Variants in PTBP2 observed in about 807,000 individuals in gnomAD.
PTBP2 encodes the protein polypyrimidine tract binding protein 2, also known as polypyrimidine tract-binding protein 2.
Under a neutral mutation model 61.4 loss-of-function variants are expected in PTBP2, and 13 were observed. That is an observed-to-expected ratio of 0.21 (90% confidence interval 0.14 to 0.34). PTBP2 has a LOEUF of 0.34. Ranked by LOEUF, PTBP2 falls within the 10% of genes least tolerant of loss-of-function variation. PTBP2 has a pLI of 1.00. For missense variants in PTBP2, 405 were observed against 642.6 expected (o/e 0.63, Z 4.00); for synonymous variants, 215 against 218.5 (o/e 0.98, Z 0.14).
intron 2 of PTBP2, among the ~76,000 whole-genome samples, chr1:96,750,826 A>G (rs1490284620): frequency 6.6e-6 from 1 of 152,130 alleles, no homozygotes; most frequent in African/African-American, 2.4e-5. Context: ...GCTGGTTTGA[A>G]CAACTGTGCA....
At position 96,807,046 on chromosome 1, in the gene PTBP2, A is replaced by G. The variant is rs943662446; in HGVS notation, c.1171+88A>G. The G allele has an allele frequency of 9.4e-6, 9 of 956,578 alleles. No homozygotes were observed. The Admixed American group carries it at 1.7e-4, about 18-fold the overall frequency. 59.3% of individuals were successfully genotyped at this position (956,578 alleles called of 1,614,324 possible). ...TGTGCGAATAAAAATAAACTCCTTTACATCAGTAAGAAATTATTTTAATGG... is the reference window on the plus strand; with the variant it reads ...TGTGCGAATAAAAATAAACTCCTTTGCATCAGTAAGAAATTATTTTAATGG... On this transcript the variant is annotated intron_variant, in intron 11 of 13. Coordinates refer to ENST00000674951, the MANE Select transcript of PTBP2 (RefSeq NM_021190.4).
rs1165129701 is a variant in PTBP2 at position 96,813,260 on chromosome 1, A to G, written c.1467-16A>G. 1 of 1,582,676 alleles carries G rather than the reference A, an allele frequency of 6.3e-7. No individual in the cohort carries two copies. Among genetic ancestry groups the G allele is most frequent in the Non-Finnish European group, 8.5e-7 (1 of 1,170,964 alleles). On this transcript the variant is annotated splice_polypyrimidine_tract_variant and intron_variant, in intron 13 of 13. Transcript: ENST00000674951. ...ATTTGTATGAAGTGTCTAATTTTATAATTTTGTTTCAGAAGAGATCACAAA... is the reference window on the plus strand; with the variant it reads ...ATTTGTATGAAGTGTCTAATTTTATGATTTTGTTTCAGAAGAGATCACAAA...
At chr1:96,747,461 A>C (rs1255796379) in intron 2 of PTBP2, among the ~76,000 whole-genome samples, 1 of 152,058 alleles carries the variant, frequency 6.6e-6, no homozygotes, top group Non-Finnish European at 1.5e-5. Flanking sequence ...ATTTTAAAAA[A>C]TTTTGCTTTT....
chr1:96,781,194 TGTA>T (rs1398848340), intron 7 of PTBP2, among the ~76,000 whole-genome samples: 3 of 152,058 alleles, frequency 2.0e-5, no homozygotes, highest in Non-Finnish European at 2.9e-5. Flanking sequence ...GTAGCATTGA[TGTA>T]GTAATAATTC....
At chr1:96,823,367 G>A (rs1466314356) in exon 14 of PTBP2, 1 of 152,206 alleles carries the variant, frequency 6.6e-6, no homozygotes, top group African/African-American at 2.4e-5. Context: ...TATTGCTGCT[G>A]CTGTTCTGGC....
intron 8 of PTBP2, among the ~76,000 whole-genome samples, chr1:96,798,001 G>A (rs111887684): frequency 0.095 from 14,360 of 150,658 alleles, 928 homozygotes; most frequent in Non-Finnish European, 0.14. Flanking sequence ...GCGTGAACCC[G>A]GGAGGTGGAG....
At chr1:96,753,836 T>C (rs1654859107) in intron 3 of PTBP2, among the ~76,000 whole-genome samples, 1 of 152,106 alleles carries the variant, frequency 6.6e-6, no homozygotes. Flanking sequence ...TTGGAGACAA[T>C]AGAAGAAATG....
chr1:96,803,612 C>T (rs747047553), intron 8 of PTBP2, among the ~76,000 whole-genome samples: 4 of 152,110 alleles, frequency 2.6e-5, no homozygotes, highest in Admixed American at 6.5e-5. Context: ...TATTAAAGAG[C>T]GCTTCAGATT....
intron 2 of PTBP2, among the ~76,000 whole-genome samples, chr1:96,748,362 G>GAGA (rs1654111850): frequency 6.6e-6 from 1 of 152,118 alleles, no homozygotes; most frequent in Non-Finnish European, 1.5e-5. Flanking sequence ...TAATAACCAT[G>GAGA]AGAATAAAAA....
chr1:96,812,561 T>A, intron 11 of PTBP2, 151 bp from the exon 12 acceptor site: 4 of 657,128 alleles, frequency 6.1e-6, no homozygotes, highest in Non-Finnish European at 1.0e-5. Flanking sequence ...AATGAAAATG[T>A]ACTTAAGTCT....
chr1:96,740,890 A>T (rs1652919957), intron 2 of PTBP2, among the ~76,000 whole-genome samples: 8 of 151,922 alleles, frequency 5.3e-5, no homozygotes, highest in Admixed American at 3.9e-4. Context: ...AATATTTTAA[A>T]TTTTTTTCCA....
rs978109281 is a variant in PTBP2, at chr1:96,721,830, C to G, written c.-35C>G. The G allele has an allele frequency of 6.4e-7, 1 of 1,557,508 alleles. No individual in the cohort carries two copies. Among genetic ancestry groups the G allele is most frequent in the Non-Finnish European group, 8.7e-7 (1 of 1,150,554 alleles). On this transcript the variant is annotated 5_prime_UTR_variant, in exon 1 of 14. Coordinates refer to ENST00000674951, the MANE Select transcript of PTBP2 (RefSeq NM_021190.4). ...TGTGTGGCTCGCTGGCTGCGTGGCTCGGTTCTTGTGAGCGAAGCTTTGTCC... is the reference window on the plus strand; with the variant it reads ...TGTGTGGCTCGCTGGCTGCGTGGCTGGGTTCTTGTGAGCGAAGCTTTGTCC...
At chr1:96,728,842 G>A (rs1171101822) in intron 2 of PTBP2, among the ~76,000 whole-genome samples, 1 of 145,552 alleles carries the variant, frequency 6.9e-6, no homozygotes. Flanking sequence ...CAGTGCACAC[G>A]TTTTGTGCAT....
At chr1:96,727,608 T>G (rs1014131135) in intron 2 of PTBP2, among the ~76,000 whole-genome samples, 2 of 152,212 alleles carry the variant, frequency 1.3e-5, no homozygotes, top group Admixed American at 6.5e-5. Flanking sequence ...GAAGTGATAT[T>G]TCACTGTGGA....
intron 2 of PTBP2, among the ~76,000 whole-genome samples, chr1:96,728,364 A>T (rs931602471): frequency 1.3e-5 from 2 of 152,228 alleles, no homozygotes; most frequent in Non-Finnish European, 2.9e-5. Context: ...TATTTTGAAT[A>T]TGGTACAAAG....
intron 8 of PTBP2, among the ~76,000 whole-genome samples, chr1:96,790,374 T>C (rs1659666288): frequency 6.6e-6 from 1 of 152,038 alleles, no homozygotes; most frequent in East Asian, 1.9e-4. Flanking sequence ...GCTTTAAGAC[T>C]GATTGTGGAT....
At chr1:96,794,076 C>G (rs528466363) in intron 8 of PTBP2, among the ~76,000 whole-genome samples, 3 of 152,262 alleles carry the variant, frequency 2.0e-5, no homozygotes, top group Non-Finnish European at 4.4e-5. Context: ...ATTATGTTTA[C>G]CCATTATATT....
intron 5 of PTBP2, among the ~76,000 whole-genome samples, chr1:96,772,694 T>A (rs560914367): frequency 6.6e-6 from 1 of 152,218 alleles, no homozygotes; most frequent in Non-Finnish European, 1.5e-5. Context: ...GTTTGACTTA[T>A]TCACTTAGCA....
exon 14 of PTBP2, chr1:96,822,731 A>T (rs937986200): frequency 5.3e-5 from 8 of 152,308 alleles, no homozygotes; most frequent in Admixed American, 3.9e-4. Flanking sequence ...CTTGTTGAAT[A>T]AGAGTAAAAG....
Sources: gnomAD v4.1 joint callset for allele counts (sites outside exome capture counted in the v4.1 genomes callset) on GRCh38, gnomAD v4.1.1 for gene constraint, MANE v1.5 for transcripts, NCBI Gene and HGNC (gene_info 2026-07-23, HGNC 2026-07-21) for gene names.